Variants in PIK3AP1 observed in about 807,000 individuals in gnomAD.
PIK3AP1 encodes phosphoinositide-3-kinase adaptor protein 1.
PIK3AP1 carries 21 observed loss-of-function variants against 88.1 expected under a neutral mutation model. That is an observed-to-expected ratio of 0.24 (90% CI 0.17 to 0.34). The LOEUF is 0.34. Ranked by LOEUF, PIK3AP1 falls within the 10% of genes least tolerant of loss-of-function variation. PIK3AP1 has a pLI of 1.00. For missense variants in PIK3AP1, 828 were observed against 1,035.7 expected (o/e 0.80, Z 2.75); for synonymous variants, 398 against 400.0 (o/e 1.00, Z 0.06).
chr10:96,720,472 G>T lies in PIK3AP1; in HGVS notation c.-78C>A. The T allele has an allele frequency of 8.5e-7, 1 of 1,181,400 alleles. No homozygotes were observed. Among genetic ancestry groups the T allele is most frequent in the South Asian group, 4.2e-5 (1 of 23,622 alleles). 73.2% of individuals were successfully genotyped at this position (1,181,400 alleles called of 1,614,324 possible). Reference sequence around the variant, plus strand: ...CGGGGCCGGCGGCGTCCTGGCTCGGGCTGGAGGGGCGCCGGGCTCCGCGCG... The same window carrying T: ...CGGGGCCGGCGGCGTCCTGGCTCGGTCTGGAGGGGCGCCGGGCTCCGCGCG... On this transcript the variant is annotated 5_prime_UTR_variant, in exon 1 of 17. Coordinates refer to ENST00000339364, the MANE Select transcript of PIK3AP1 (RefSeq NM_152309.3). The surrounding 1 kb of genome is among the most constrained non-coding windows in gnomAD (Gnocchi z 4.6).
chr10:96,718,237 A>G (rs1844527777), intron 1 of PIK3AP1, among the ~76,000 whole-genome samples: 1 of 152,388 alleles, frequency 6.6e-6, no homozygotes, highest in Middle Eastern at 3.4e-3. Flanking sequence ...ATGGCTACAC[A>G]TATCTGTAAA....
chr10:96,633,299 C>T (rs947012867), intron 8 of PIK3AP1: 7 of 403,766 alleles, frequency 1.7e-5, no homozygotes, highest in African/African-American at 4.1e-5. Context: ...ACCAGGTTAC[C>T]GGGGTAACAG....
Position 96,594,659 on chromosome 10 carries a change from C to T in PIK3AP1, c.*918G>A, listed in dbSNP as rs1193907522. ...AATAAAACCTATAAAGGAAATAGAG[C>T]ACTAAGTGGGGTCCCTGGAATCCCC... On this transcript the variant is annotated 3_prime_UTR_variant, in exon 17 of 17. Transcript: ENST00000339364. This position sits in a 1 kb window ranked among gnomAD's most constrained non-coding sequence, Gnocchi z 4.6. The T allele has an allele frequency of 6.6e-6, 1 of 152,164 alleles. No individual in the cohort carries two copies. The highest frequency in any genetic ancestry group is 2.4e-5 in the African/African-American group (1 of 41,424). The allele number at this position is 152,164 out of a possible 1,614,324, so 9.4% of individuals were successfully genotyped here.
At chr10:96,632,668 C>T (rs989855903) in intron 8 of PIK3AP1, among the ~76,000 whole-genome samples, 5 of 152,190 alleles carry the variant, frequency 3.3e-5, no homozygotes, top group Non-Finnish European at 7.3e-5. Flanking sequence ...TTGGAAGCAA[C>T]AATGTAGGTG....
intron 8 of PIK3AP1, among the ~76,000 whole-genome samples, chr10:96,641,122 T>C (rs55773921): frequency 0.22 from 27,130 of 122,238 alleles, 2,568 homozygotes; most frequent in Admixed American, 0.32. Flanking sequence ...TGTGTGTGTG[T>C]GTGCGTGTGC....
intron 13 of PIK3AP1, among the ~76,000 whole-genome samples, chr10:96,612,984 T>A (rs2164462): frequency 8.2e-4 from 26 of 31,794 alleles, no homozygotes; most frequent in African/African-American, 2.7e-3. Context: ...ATATATATAT[T>A]TTTTTTTTTT....
chr10:96,692,021 T>C (rs1844161236), intron 2 of PIK3AP1, among the ~76,000 whole-genome samples: 1 of 152,186 alleles, frequency 6.6e-6, no homozygotes, highest in Non-Finnish European at 1.5e-5. Context: ...TTTTACAGGG[T>C]AATTCTAGAT....
chr10:96,628,542 C>G, intron 8 of PIK3AP1, 49 bp from the exon 9 acceptor site: 2 of 1,450,378 alleles, frequency 1.4e-6, no homozygotes, highest in Non-Finnish European at 1.9e-6. Context: ...CCTCCACAGG[C>G]AAGGAGATTT....
intron 16 of PIK3AP1, among the ~76,000 whole-genome samples, chr10:96,601,222 C>A (rs1467734310): frequency 6.6e-6 from 1 of 151,916 alleles, no homozygotes; most frequent in Non-Finnish European, 1.5e-5. Context: ...GTCTGTAATC[C>A]CAGCACTTTG....
intron 13 of PIK3AP1, among the ~76,000 whole-genome samples, chr10:96,612,755 G>A (rs572433406): frequency 2.8e-4 from 42 of 151,580 alleles, no homozygotes; most frequent in African/African-American, 9.0e-4. Flanking sequence ...CAGCTGTCTC[G>A]TTGCTTAGGT....
intron 1 of PIK3AP1, among the ~76,000 whole-genome samples, chr10:96,718,569 C>G (rs963737445): frequency 6.6e-6 from 1 of 152,218 alleles, no homozygotes; most frequent in African/African-American, 2.4e-5. Flanking sequence ...CAAACACCTG[C>G]AGAAGCTGCT....
At chr10:96,633,031 T>C (rs758811680) in intron 8 of PIK3AP1, 12 of 1,611,420 alleles carry the variant, frequency 7.4e-6, no homozygotes, top group Admixed American at 1.7e-5. Context: ...ACAAGATCCA[T>C]AGCAGGCCAC....
chr10:96,664,573 T>C (rs770182989), intron 2 of PIK3AP1, among the ~76,000 whole-genome samples: 1 of 151,478 alleles, frequency 6.6e-6, no homozygotes, highest in Non-Finnish European at 1.5e-5. Flanking sequence ...ACAAAACCAA[T>C]GCAATCTATT....
chr10:96,654,379 A>G (rs1564972212), intron 3 of PIK3AP1, among the ~76,000 whole-genome samples: 1 of 152,112 alleles, frequency 6.6e-6, no homozygotes, highest in Non-Finnish European at 1.5e-5. Context: ...ACTCTGCTAT[A>G]AAGTCCTCAG....
chr10:96,628,282 C>T, intron 9 of PIK3AP1, 116 bp downstream of exon 9: 1 of 881,544 alleles, frequency 1.1e-6, no homozygotes, highest in Non-Finnish European at 1.9e-6. Context: ...ACATCACATG[C>T]CATGTATGCA....
chr10:96,603,825 C>T, intron 15 of PIK3AP1, 154 bp downstream of exon 15: 1 of 711,398 alleles, frequency 1.4e-6, no homozygotes, highest in Non-Finnish European at 2.2e-6. Flanking sequence ...AATCTTCAAA[C>T]TGTCTCTGTG....
chr10:96,615,507 C>T (rs188283098), intron 13 of PIK3AP1, among the ~76,000 whole-genome samples: 2 of 152,186 alleles, frequency 1.3e-5, no homozygotes, highest in South Asian at 2.1e-4. Context: ...ATTTAGGATA[C>T]GCTTTGGAGG....
At chr10:96,692,754 G>A (rs1844171067) in intron 2 of PIK3AP1, among the ~76,000 whole-genome samples, 1 of 152,146 alleles carries the variant, frequency 6.6e-6, no homozygotes, top group Non-Finnish European at 1.5e-5. Context: ...GCATTTGACT[G>A]CAGAATTAGC....
At chr10:96,641,745 T>C (rs1843392301) in intron 8 of PIK3AP1, among the ~76,000 whole-genome samples, 1 of 152,168 alleles carries the variant, frequency 6.6e-6, no homozygotes, top group Non-Finnish European at 1.5e-5. Context: ...CTTGGAGCCT[T>C]AGTTTTCTTT....
Sources: gnomAD v4.1 joint callset for allele counts (sites outside exome capture counted in the v4.1 genomes callset) on GRCh38, gnomAD v4.1.1 for gene constraint, Gnocchi (gnomAD v3.1) non-coding constraint, MANE v1.5 for transcripts, NCBI Gene and HGNC (gene_info 2026-07-23, HGNC 2026-07-21) for gene names.